NCOA7: variants seen among roughly 807,000 people sequenced by gnomAD.
NCOA7 encodes the protein nuclear receptor coactivator 7.
A neutral mutation model predicts 104.3 loss-of-function variants in NCOA7; 45 were observed. The observed-to-expected ratio is 0.43, with a 90% CI of 0.34 to 0.55. The LOEUF is 0.55. Among genes scored for constraint, NCOA7 ranks in the 20% least tolerant of loss-of-function variants. NCOA7 has a pLI of 0.02. For missense variants in NCOA7, 1,041 were observed against 1,119.7 expected (o/e 0.93, Z 1.00); for synonymous variants, 398 against 402.3 (o/e 0.99, Z 0.13).
chr6:125,840,406 G>A (rs112623800), intron 2 of NCOA7, among the ~76,000 whole-genome samples: 3 of 152,072 alleles, frequency 2.0e-5, no homozygotes, highest in African/African-American at 7.3e-5. Flanking sequence ...AGTATACAGT[G>A]TTTAGAAAGT....
chr6:125,852,244 G>GCCA, intron 2 of NCOA7, among the ~76,000 whole-genome samples: 1 of 152,040 alleles, frequency 6.6e-6, no homozygotes, highest in Non-Finnish European at 1.5e-5. Context: ...CGCCCAGGCT[G>GCCA]GAGTTCAGTG....
chr6:125,806,356 A>C (rs575636922), intron 1 of NCOA7, among the ~76,000 whole-genome samples: 6 of 152,150 alleles, frequency 3.9e-5, no homozygotes, highest in Admixed American at 1.3e-4. Flanking sequence ...AAATAAATAA[A>C]TAAAAGGTAC....
chr6:125,881,476 C>T (rs1050522593), intron 6 of NCOA7, among the ~76,000 whole-genome samples: 4 of 151,952 alleles, frequency 2.6e-5, no homozygotes, highest in African/African-American at 9.7e-5. Context: ...TTGAGACCAG[C>T]CTGGGCAATA....
chr6:125,915,613 C>T (rs1299213418), intron 11 of NCOA7, 133 bp downstream of exon 11: 1 of 1,078,150 alleles, frequency 9.3e-7, no homozygotes, highest in East Asian at 2.6e-5. Flanking sequence ...AGGAAAATAA[C>T]TTTATTCCTC....
At position 125,817,472 on chromosome 6, in the gene NCOA7, G is replaced by A. The variant is rs925101857; in HGVS notation, c.50+2068G>A. 2.0e-5 allele frequency among the ~76,000 whole-genome samples: 3 copies of A among 152,334 alleles called. No individual in the cohort carries two copies. The East Asian group carries it at 5.8e-4, about 29-fold the overall frequency. On this transcript the variant is annotated intron_variant, in intron 2 of 15. Coordinates refer to ENST00000392477, the MANE Select transcript of NCOA7 (RefSeq NM_181782.5). ...TTATCTTAGCTATTCTGATAAGTAT[G>A]TAGTGATATCTCATTATGGTTTTAA... is the stretch of plus-strand genomic sequence containing the variant.
chr6:125,810,782 A>G lies in NCOA7; in HGVS notation c.-64-4509A>G, dbSNP rs922951274. Among the ~76,000 whole-genome samples, 3 of 152,198 alleles carry G rather than the reference A, an allele frequency of 2.0e-5. No individual in the cohort carries two copies. In the South Asian group the frequency reaches 6.2e-4, roughly 32 times the overall value. Reference sequence around the variant, plus strand: ...GTCTAAACCTGTAAGAACTGCATCTATCATGTTTAGGGAATACAAAAATTT... The same window carrying G: ...GTCTAAACCTGTAAGAACTGCATCTGTCATGTTTAGGGAATACAAAAATTT... On this transcript the variant is annotated intron_variant, in intron 1 of 15. Coordinates refer to ENST00000392477, the MANE Select transcript of NCOA7 (RefSeq NM_181782.5).
chr6:125,886,678 TGA>T (rs961578759), intron 8 of NCOA7, among the ~76,000 whole-genome samples: 74 of 152,318 alleles, frequency 4.9e-4, no homozygotes, highest in African/African-American at 1.8e-3. Flanking sequence ...CAAGAATGTG[TGA>T]GAGTCAGTGT....
chr6:125,782,109 TTTAA>T (rs1774253947), intron 1 of NCOA7, among the ~76,000 whole-genome samples: 1 of 152,258 alleles, frequency 6.6e-6, no homozygotes, highest in Non-Finnish European at 1.5e-5. Context: ...TACTTTTTAC[TTTAA>T]TTACATTTTT....
intron 11 of NCOA7, among the ~76,000 whole-genome samples, chr6:125,915,930 A>C (rs2128690683): frequency 6.6e-6 from 1 of 152,312 alleles, no homozygotes; most frequent in Admixed American, 6.5e-5. Flanking sequence ...ATTGTTATTA[A>C]TTTTTATTGA....
At chr6:125,853,283 A>G (rs544469039) in intron 2 of NCOA7, among the ~76,000 whole-genome samples, 1 of 152,286 alleles carries the variant, frequency 6.6e-6, no homozygotes, top group South Asian at 2.1e-4. Context: ...TACTGAATTT[A>G]TCAAATCTAG....
intron 1 of NCOA7, among the ~76,000 whole-genome samples, chr6:125,791,608 A>G (rs988538257): frequency 8.5e-5 from 13 of 152,186 alleles, no homozygotes; most frequent in Admixed American, 6.5e-4. Context: ...AATTTAGAGA[A>G]GGTCCTTCTA....
chr6:125,800,234 C>T (rs1473780807), intron 1 of NCOA7, among the ~76,000 whole-genome samples: 1 of 152,272 alleles, frequency 6.6e-6, no homozygotes, highest in South Asian at 2.1e-4. Context: ...CTTGCATTTT[C>T]TGGAAAGGAC....
intron 1 of NCOA7, among the ~76,000 whole-genome samples, chr6:125,809,296 C>A (rs1335481361): frequency 1.3e-5 from 2 of 152,056 alleles, no homozygotes; most frequent in African/African-American, 4.8e-5. Flanking sequence ...TGATCTCGTG[C>A]CTCAGCTACC....
rs1787343059 is a variant in NCOA7, at chr6:125,919,171, T to C, written c.2245-1772T>C. On this transcript the variant is annotated intron_variant, in intron 11 of 15. Transcript: ENST00000392477. ...AGTGTGTTTGCTCTAAATCCTAATT[T>C]GGGTGTGTTCCTGTAGAAATGTTGA... 2.8e-6 allele frequency: 4 copies of C among 1,439,096 alleles called. No individual in the cohort carries two copies. In the South Asian group the frequency reaches 5.5e-5, roughly 20 times the overall value. The allele number at this position is 1,439,096 out of a possible 1,614,324, so 89.1% of individuals were successfully genotyped here. A position where few individuals can be genotyped will look rare whatever the true frequency, so the allele number is the denominator to read the frequency against.
chr6:125,859,203 C>T (rs889466414), intron 3 of NCOA7, among the ~76,000 whole-genome samples: 3 of 151,086 alleles, frequency 2.0e-5, no homozygotes, highest in African/African-American at 7.3e-5. Flanking sequence ...GGGCACACAG[C>T]AGCATTTGAT....
chr6:125,922,891 C>T, intron 13 of NCOA7, 57 bp downstream of exon 13: 1 of 1,531,944 alleles, frequency 6.5e-7, no homozygotes, highest in Non-Finnish European at 8.9e-7. Context: ...AAATTCCCAA[C>T]AGTAGAGAGA....
chr6:125,905,817 T>C (rs1485270427), intron 10 of NCOA7, among the ~76,000 whole-genome samples: 1 of 152,090 alleles, frequency 6.6e-6, no homozygotes, highest in Non-Finnish European at 1.5e-5. Flanking sequence ...TTTTATTTTT[T>C]GGAGACAGAG....
intron 11 of NCOA7, among the ~76,000 whole-genome samples, chr6:125,916,310 A>G (rs1260114689): frequency 6.6e-6 from 1 of 152,232 alleles, no homozygotes; most frequent in African/African-American, 2.4e-5. Context: ...CTGTGAGCCA[A>G]TTAAACCTCT....
chr6:125,871,998 GA>G (rs530879162), intron 3 of NCOA7, among the ~76,000 whole-genome samples: 38,550 of 89,796 alleles, frequency 0.43, 6,531 homozygotes, highest in African/African-American at 0.58. Flanking sequence ...CCCTGTCTCA[GA>G]AAAAAAAAAA....
Sources: gnomAD v4.1 joint callset for allele counts (sites outside exome capture counted in the v4.1 genomes callset) on GRCh38, gnomAD v4.1.1 for gene constraint, MANE v1.5 for transcripts, NCBI Gene and HGNC (gene_info 2026-07-23, HGNC 2026-07-21) for gene names.